Variants in ELMO2 observed in about 807,000 individuals in gnomAD.
ELMO2 encodes engulfment and cell motility protein 2.
A neutral mutation model predicts 96.2 loss-of-function variants in ELMO2; 37 were observed. That is an observed-to-expected ratio of 0.38 (90% CI 0.30 to 0.51). ELMO2 has a LOEUF of 0.51. ELMO2 is among the 20% of genes least tolerant of loss of function. The pLI is 0.88. For missense variants in ELMO2, 561 were observed against 912.6 expected (o/e 0.61, Z 4.96); for synonymous variants, 315 against 329.4 (o/e 0.96, Z 0.47).
intron 6 of ELMO2, among the ~76,000 whole-genome samples, chr20:46,390,568 G>A (rs775316463): frequency 7.9e-5 from 12 of 152,120 alleles, no homozygotes; most frequent in Non-Finnish European, 1.6e-4. Flanking sequence ...TGCAAGCTGC[G>A]GCTAAAATCC....
chr20:46,397,222 T>G (rs2060259792), intron 2 of ELMO2, among the ~76,000 whole-genome samples: 1 of 152,220 alleles, frequency 6.6e-6, no homozygotes, highest in Non-Finnish European at 1.5e-5. Flanking sequence ...AAGATATTAA[T>G]AAGCCCCCAT....
chr20:46,403,207 A>G (rs117675885), intron 1 of ELMO2, among the ~76,000 whole-genome samples: 109 of 152,380 alleles, frequency 7.2e-4, no homozygotes, highest in Non-Finnish European at 1.2e-3. Flanking sequence ...ATAAGAGAGC[A>G]TATGTGAAGG....
rs3818608 is a variant in ELMO2, at chr20:46,370,389, T to C, written c.1884+54A>G. The C allele has an allele frequency of 0.072, 109,538 of 1,520,906 alleles. 4,614 individuals are homozygous for C. Among genetic ancestry groups the C allele is most frequent in the East Asian group, 0.19 (8,605 of 44,428 alleles). The allele number at this position is 1,520,906 out of a possible 1,614,324, so 94.2% of individuals were successfully genotyped here. A position where few individuals can be genotyped will look rare whatever the true frequency, so the allele number is the denominator to read the frequency against. Reference sequence around the variant, plus strand: ...TGCACCTGGAAAAAACCACCACCAATGGCACTCTCCAAGTATCACTGGGCC... The same window carrying C: ...TGCACCTGGAAAAAACCACCACCAACGGCACTCTCCAAGTATCACTGGGCC... On this transcript the variant is annotated intron_variant, in intron 20 of 21. Coordinates refer to ENST00000290246, the MANE Select transcript of ELMO2 (RefSeq NM_133171.5).
intron 16 of ELMO2, chr20:46,372,728 A>C (rs1244814076): frequency 6.6e-6 from 1 of 152,318 alleles, no homozygotes; most frequent in Non-Finnish European, 1.5e-5. Context: ...ACTATTAAAG[A>C]AAACAACAGG....
intron 7 of ELMO2, 138 bp downstream of exon 7, chr20:46,388,901 T>C: frequency 5.0e-6 from 4 of 792,820 alleles, no homozygotes; most frequent in Non-Finnish European, 6.0e-6. Context: ...GTATGGACTC[T>C]AGTGCTTGGC....
Position 46,375,174 on chromosome 20 carries a change from G to A in ELMO2, c.1065+62C>T. ...TTGGTTGTCAGAGCTCTGTCTGGGTGGGACCATTGACTTCCCATCAGGGGA... is the reference window on the plus strand; with the variant it reads ...TTGGTTGTCAGAGCTCTGTCTGGGTAGGACCATTGACTTCCCATCAGGGGA... On this transcript the variant is annotated intron_variant, in intron 13 of 21. Coordinates refer to ENST00000290246, the MANE Select transcript of ELMO2 (RefSeq NM_133171.5). The surrounding 1 kb of genome is among the most constrained non-coding windows in gnomAD (Gnocchi z 4.6). 6.3e-7 allele frequency: 1 copy of A among 1,577,556 alleles called. No homozygotes were observed. The highest frequency in any genetic ancestry group is 8.6e-7 in the Non-Finnish European group (1 of 1,163,186).
rs1450935034 is a variant in ELMO2 at position 46,376,796 on chromosome 20, C to T, written c.808-1006G>A. On this transcript the variant is annotated intron_variant, in intron 11 of 21. Transcript: ENST00000290246. ...ACCACCACTATGTCCTTCAATTTCC[C>T]TACTCAGTAGCTCTGTCTCTAGGGC... 15 of 1,289,060 alleles carry T rather than the reference C, an allele frequency of 1.2e-5. No individual in the cohort carries two copies. In the East Asian group the frequency reaches 8.3e-4, roughly 71 times the overall value. The allele number at this position is 1,289,060 out of a possible 1,614,324, so 79.9% of individuals were successfully genotyped here.
Position 46,371,368 on chromosome 20 carries a change from T to C in ELMO2, c.1785A>G (p.Glu595=). ...TGAACCTACTTTTCTCCTGCAGGGA[T>C]TCAAATGTCACCTCCCCTTGTGGGT... ...DDNPQGEVTF[E]SLQEKIPVAD... The change falls in exon 19 of 22, where the codon GAA becomes GAG. Residue 595 remains glutamate (E), a synonymous_variant. Coordinates refer to ENST00000290246, the MANE Select transcript of ELMO2 (RefSeq NM_133171.5). The surrounding 1 kb of genome is among the most constrained non-coding windows in gnomAD (Gnocchi z 5.9). 6.2e-7 allele frequency: 1 copy of C among 1,614,204 alleles called. No homozygotes were observed. Among genetic ancestry groups the C allele is most frequent in the Non-Finnish European group, 8.5e-7 (1 of 1,180,022 alleles).
At chr20:46,403,690 G>A (rs563404172) in intron 1 of ELMO2, among the ~76,000 whole-genome samples, 11 of 152,288 alleles carry the variant, frequency 7.2e-5, no homozygotes, top group African/African-American at 2.6e-4. Flanking sequence ...TATACCTGAA[G>A]CATCCTGAAG....
chr20:46,397,872 T>C (rs568500145), intron 2 of ELMO2, among the ~76,000 whole-genome samples: 1 of 152,100 alleles, frequency 6.6e-6, no homozygotes, highest in Non-Finnish European at 1.5e-5. Context: ...GAGGAATCCA[T>C]AAATATCTAA....
intron 10 of ELMO2, chr20:46,382,143 G>T: frequency 7.9e-7 from 1 of 1,258,644 alleles, no homozygotes; most frequent in Non-Finnish European, 1.0e-6. Flanking sequence ...TGAGATTCTT[G>T]CCTAGCTTTG....
intron 5 of ELMO2, 26 bp downstream of exon 5, chr20:46,393,503 T>C (rs2060192403): frequency 1.9e-6 from 3 of 1,610,474 alleles, no homozygotes; most frequent in South Asian, 1.1e-5. Flanking sequence ...AAGGCCCATA[T>C]TGATTTTGCC....
At chr20:46,377,213 A>G (rs2059877585) in intron 11 of ELMO2, among the ~76,000 whole-genome samples, 1 of 152,230 alleles carries the variant, frequency 6.6e-6, no homozygotes, top group Non-Finnish European at 1.5e-5. Flanking sequence ...GTAAATGCAT[A>G]CCGGATCTTG....
At chr20:46,378,711 C>A (rs2059905131) in intron 11 of ELMO2, among the ~76,000 whole-genome samples, 1 of 152,224 alleles carries the variant, frequency 6.6e-6, no homozygotes, top group African/African-American at 2.4e-5. Context: ...CTTCTTCAAT[C>A]CTATCACCTC....
Position 46,375,177 on chromosome 20 carries a change from A to T in ELMO2, c.1065+59T>A. The T allele has an allele frequency of 6.3e-7, 1 of 1,580,776 alleles. No individual in the cohort carries two copies. The highest frequency in any genetic ancestry group is 8.6e-7 in the Non-Finnish European group (1 of 1,164,908). ...GTTGTCAGAGCTCTGTCTGGGTGGG[A>T]CCATTGACTTCCCATCAGGGGAGAG... On this transcript the variant is annotated intron_variant, in intron 13 of 21. Coordinates refer to ENST00000290246, the MANE Select transcript of ELMO2 (RefSeq NM_133171.5). The surrounding 1 kb of genome is among the most constrained non-coding windows in gnomAD (Gnocchi z 4.6).
chr20:46,377,912 C>T (rs1267286588), intron 11 of ELMO2, among the ~76,000 whole-genome samples: 2 of 152,196 alleles, frequency 1.3e-5, no homozygotes, highest in Admixed American at 6.5e-5. Context: ...TCTTCCCTGC[C>T]ATCGCCACTT....
chr20:46,377,030 C>G (rs2059873528), intron 11 of ELMO2: 1 of 310,242 alleles, frequency 3.2e-6, no homozygotes, highest in South Asian at 2.7e-5. Flanking sequence ...CTAGAGCGCT[C>G]TGACTTTAGA....
intron 1 of ELMO2, among the ~76,000 whole-genome samples, chr20:46,403,725 C>T (rs2060373735): frequency 6.6e-6 from 1 of 152,182 alleles, no homozygotes. Context: ...ATACACCGCC[C>T]AATCACCAAA....
chr20:46,386,620 C>T (rs573048509), intron 8 of ELMO2, among the ~76,000 whole-genome samples: 5 of 152,108 alleles, frequency 3.3e-5, no homozygotes, highest in Non-Finnish European at 7.4e-5. Flanking sequence ...ATGTACCTCC[C>T]CTGACACACA....
Sources: gnomAD v4.1 joint callset for allele counts (sites outside exome capture counted in the v4.1 genomes callset) on GRCh38, gnomAD v4.1.1 for gene constraint, Gnocchi (gnomAD v3.1) non-coding constraint, MANE v1.5 for transcripts, NCBI Gene and HGNC (gene_info 2026-07-23, HGNC 2026-07-21) for gene names.